Variants in LONP2 observed in about 807,000 individuals in gnomAD.
LONP2 encodes lon protease homolog 2, peroxisomal.
A neutral mutation model predicts 85.6 loss-of-function variants in LONP2; 60 were observed. The ratio of observed to expected loss-of-function variants is 0.70; its 90% CI spans 0.57 to 0.87. The LOEUF (loss-of-function observed/expected upper bound fraction) is 0.87. Among genes scored for constraint, LONP2 ranks in the 40% least tolerant of loss-of-function variants. The pLI, the probability that LONP2 is intolerant of heterozygous loss-of-function variation, is 0.00. For synonymous variants in LONP2, 395 were observed against 389.7 expected, an observed-to-expected ratio of 1.01 and a Z score of -0.16; for missense variants, 860 against 1,063.5, an observed-to-expected ratio of 0.81 and a Z score of 2.66.
chr16:48,272,641 G>A (rs140477213), intron 7 of LONP2, among the ~76,000 whole-genome samples: 12 of 152,180 alleles, frequency 7.9e-5, no homozygotes, highest in East Asian at 1.9e-4. Flanking sequence ...GATTGTTGCC[G>A]AGTAAAAAGT....
chr16:48,349,613 C>T (rs1047720582), intron 14 of LONP2, among the ~76,000 whole-genome samples: 3 of 152,114 alleles, frequency 2.0e-5, no homozygotes, highest in African/African-American at 7.2e-5. Flanking sequence ...AGCAGCAGCA[C>T]TTGAAAGAAA....
chr16:48,356,994 A>G lies in LONP2; in HGVS notation c.*5192A>G, dbSNP rs1960391442. ...TTTTCAGAATTCAGAAAGGCCTAAG[A>G]AAATTACATCTATGATAATAAAGTG... On this transcript the variant is annotated 3_prime_UTR_variant, in exon 15 of 15. Transcript: ENST00000285737. 6.5e-6 allele frequency: 1 copy of G among 153,246 alleles called. No homozygotes were observed. The highest frequency in any genetic ancestry group is 2.0e-4 in the South Asian group (1 of 4,920). 9.5% of individuals were successfully genotyped at this position (153,246 alleles called of 1,614,324 possible). A position where few individuals can be genotyped will look rare whatever the true frequency, so the allele number is the denominator to read the frequency against.
At chr16:48,325,703 A>G (rs1201562285) in intron 11 of LONP2, among the ~76,000 whole-genome samples, 4 of 152,230 alleles carry the variant, frequency 2.6e-5, no homozygotes, top group Non-Finnish European at 5.9e-5. Flanking sequence ...GCTATTGTGA[A>G]TAGTGCTGCA....
intron 8 of LONP2, among the ~76,000 whole-genome samples, chr16:48,290,907 G>A (rs2150991615): frequency 6.6e-6 from 1 of 152,248 alleles, no homozygotes; most frequent in South Asian, 2.1e-4. Context: ...GGTCTTTCCT[G>A]TGACCAGCCC....
At chr16:48,296,236 G>A (rs150564445) in intron 9 of LONP2, 71 bp downstream of exon 9, 2 of 1,511,948 alleles carry the variant, frequency 1.3e-6, no homozygotes, top group African/African-American at 1.4e-5. Flanking sequence ...GTTATGCTAT[G>A]GAGTTTTGAC....
intron 12 of LONP2, among the ~76,000 whole-genome samples, chr16:48,338,301 A>C (rs529248837): frequency 4.9e-4 from 75 of 152,356 alleles, no homozygotes; most frequent in Non-Finnish European, 9.3e-4. Context: ...TTAATGCAGG[A>C]AAACAATAGA....
intron 2 of LONP2, among the ~76,000 whole-genome samples, chr16:48,256,315 A>G (rs1293572280): frequency 6.6e-6 from 1 of 152,200 alleles, no homozygotes; most frequent in Non-Finnish European, 1.5e-5. Context: ...ACTTTTTTGT[A>G]CATTTGAATT....
At chr16:48,311,822 G>C (rs990590183) in intron 11 of LONP2, among the ~76,000 whole-genome samples, 1 of 151,996 alleles carries the variant, frequency 6.6e-6, no homozygotes, top group Non-Finnish European at 1.5e-5. Flanking sequence ...GGGTTATACT[G>C]TGTTGCCCAG....
At chr16:48,257,615 T>A (rs1307923402) in intron 3 of LONP2, among the ~76,000 whole-genome samples, 1 of 152,252 alleles carries the variant, frequency 6.6e-6, no homozygotes, top group Non-Finnish European at 1.5e-5. Flanking sequence ...TTTTAAGATA[T>A]TTTTAAAGCA....
At chr16:48,330,298 G>A (rs1959397861) in intron 11 of LONP2, among the ~76,000 whole-genome samples, 1 of 152,256 alleles carries the variant, frequency 6.6e-6, no homozygotes, top group Admixed American at 6.5e-5. Flanking sequence ...ATTCCAGTGG[G>A]AAGGACTTGG....
intron 9 of LONP2, among the ~76,000 whole-genome samples, chr16:48,296,586 G>C (rs1366019149): frequency 6.6e-6 from 1 of 152,006 alleles, no homozygotes; most frequent in Non-Finnish European, 1.5e-5. Context: ...AATTAGCCTG[G>C]CATGGTGGCG....
intron 8 of LONP2, among the ~76,000 whole-genome samples, chr16:48,288,725 C>A (rs1972501069): frequency 6.6e-6 from 1 of 151,998 alleles, no homozygotes; most frequent in South Asian, 2.1e-4. Flanking sequence ...ACTAGGGGCC[C>A]ACTCTTACCT....
chr16:48,327,585 G>A (rs1422368669), intron 11 of LONP2, among the ~76,000 whole-genome samples: 1 of 152,120 alleles, frequency 6.6e-6, no homozygotes, highest in Non-Finnish European at 1.5e-5. Flanking sequence ...AGCCTCTCAA[G>A]TAGCTGGGAT....
chr16:48,296,174 C>T lies in LONP2; in HGVS notation c.1534+9C>T, dbSNP rs1392090240. ...GATCATTCAGGTTCCAGGTACCTGACTCTTAAATCATTATGATACATCTTG... is the reference window on the plus strand; with the variant it reads ...GATCATTCAGGTTCCAGGTACCTGATTCTTAAATCATTATGATACATCTTG... On this transcript the variant is annotated intron_variant, in intron 9 of 14. Transcript: ENST00000285737. 8 of 1,612,934 alleles carry T rather than the reference C, an allele frequency of 5.0e-6. No homozygotes were observed. Among genetic ancestry groups the T allele is most frequent in the Non-Finnish European group, 6.8e-6 (8 of 1,179,408 alleles).
intron 6 of LONP2, among the ~76,000 whole-genome samples, 171 bp downstream of exon 6, chr16:48,263,043 T>A (rs79041956): frequency 0.064 from 9,741 of 152,306 alleles, 367 homozygotes; most frequent in Middle Eastern, 0.15. Flanking sequence ...AAGCTGTATA[T>A]AATTAATGAA....
downstream of LONP2, among the ~76,000 whole-genome samples, chr16:48,359,152 T>C (rs1960482356): frequency 6.6e-6 from 1 of 152,076 alleles, no homozygotes; most frequent in African/African-American, 2.4e-5. Context: ...TTTGTACTTT[T>C]AGTAGAGACA....
Position 48,354,599 on chromosome 16 carries a change from C to CT in LONP2, c.*2798dup, listed in dbSNP as rs1263814236. 1 of 152,106 alleles carries CT rather than the reference C, an allele frequency of 6.6e-6. No individual in the cohort carries two copies. The highest frequency in any genetic ancestry group is 2.4e-5 in the African/African-American group (1 of 41,248). The allele number at this position is 152,106 out of a possible 1,614,324, so 9.4% of individuals were successfully genotyped here. On this transcript the variant is annotated 3_prime_UTR_variant, in exon 15 of 15. Coordinates refer to ENST00000285737, the MANE Select transcript of LONP2 (RefSeq NM_031490.5). ...CCCTCACCCCAGACCCTGGTAACCACTATTTCACTTTCTTTCTGAATTTCC... is the reference window on the plus strand; with the variant it reads ...CCCTCACCCCAGACCCTGGTAACCACTTATTTCACTTTCTTTCTGAATTTCC...
chr16:48,263,946 G>A (rs1166354481), intron 6 of LONP2, among the ~76,000 whole-genome samples: 4 of 151,660 alleles, frequency 2.6e-5, no homozygotes, highest in African/African-American at 4.8e-5. Flanking sequence ...GGTAGGATCC[G>A]TGATGCCCCA....
intron 11 of LONP2, among the ~76,000 whole-genome samples, chr16:48,320,542 A>T (rs1973241871): frequency 1.3e-5 from 2 of 152,080 alleles, no homozygotes; most frequent in South Asian, 2.1e-4. Context: ...AAAAAAAAAT[A>T]GATCTAGAGA....
Sources: gnomAD v4.1 joint callset for allele counts (sites outside exome capture counted in the v4.1 genomes callset) on GRCh38, gnomAD v4.1.1 for gene constraint, MANE v1.5 for transcripts, NCBI Gene and HGNC (gene_info 2026-07-23, HGNC 2026-07-21) for gene names.